Variants in NMNAT2 observed in about 807,000 individuals in gnomAD.
NMNAT2 encodes nicotinamide nucleotide adenylyltransferase 2.
NMNAT2 carries 11 observed loss-of-function variants against 41.6 expected under a neutral mutation model. The observed-to-expected ratio is 0.26, with a 90% confidence interval of 0.17 to 0.44. The LOEUF (loss-of-function observed/expected upper bound fraction) is 0.44. NMNAT2 is among the 20% of genes least tolerant of loss of function. The probability of loss-of-function intolerance (pLI) is 1.00; values close to 1 mark genes in which losing one functional copy is unlikely to be tolerated. For synonymous variants in NMNAT2, 148 were observed against 151.2 expected (o/e 0.98, Z 0.16); for missense variants, 288 against 407.7 (o/e 0.71, Z 2.53).
At chr1:183,416,973 TC>T (rs894403859) in intron 1 of NMNAT2, among the ~76,000 whole-genome samples, 1 of 152,102 alleles carries the variant, frequency 6.6e-6, no homozygotes, top group Admixed American at 6.5e-5. Flanking sequence ...GCGGGCCAGG[TC>T]AGGGCCTCCC....
rs1297783986 is a variant in NMNAT2 at position 183,397,407 on chromosome 1, A to G, written c.85+20776T>C. ...GAACAAAGCCTCCAAGCAATATAGG[A>G]CTATGTGAAAAGACCAAATCTATGT... On this transcript the variant is annotated intron_variant, in intron 1 of 10. Coordinates refer to ENST00000287713, the MANE Select transcript of NMNAT2 (RefSeq NM_015039.4). 2.0e-5 allele frequency among the ~76,000 whole-genome samples: 3 copies of G among 152,198 alleles called. No individual in the cohort carries two copies. The East Asian group carries it at 5.8e-4, about 29-fold the overall frequency.
At chr1:183,345,934 C>CAT in intron 1 of NMNAT2, among the ~76,000 whole-genome samples, 1 of 152,126 alleles carries the variant, frequency 6.6e-6, no homozygotes, top group South Asian at 2.1e-4. Flanking sequence ...GATCTGCCTG[C>CAT]CTCGGCCTCC....
chr1:183,258,522 C>T (rs545151156), intron 10 of NMNAT2, among the ~76,000 whole-genome samples: 35 of 152,286 alleles, frequency 2.3e-4, no homozygotes, highest in African/African-American at 7.2e-4. Context: ...TTGGGAGAAA[C>T]TTAGTTTATA....
At chr1:183,302,664 G>A (rs1234768006) in intron 1 of NMNAT2, among the ~76,000 whole-genome samples, 1 of 152,070 alleles carries the variant, frequency 6.6e-6, no homozygotes, top group Non-Finnish European at 1.5e-5. Flanking sequence ...CTGTTCCCCT[G>A]CCCTAATCTC....
At chr1:183,401,926 T>TGGGGGAG (rs1648822540) in intron 1 of NMNAT2, among the ~76,000 whole-genome samples, 4 of 38,208 alleles carry the variant, frequency 1.0e-4, no homozygotes, top group African/African-American at 4.3e-4. Context: ...GTCATGGGGT[T>TGGGGGAG]GGGGGAGGGG....
At chr1:183,394,747 G>T (rs919131706) in intron 1 of NMNAT2, among the ~76,000 whole-genome samples, 2 of 152,142 alleles carry the variant, frequency 1.3e-5, no homozygotes, top group African/African-American at 2.4e-5. Flanking sequence ...AACCCACCAG[G>T]GGCTCACATC....
At chr1:183,404,719 A>G (rs1004847220) in intron 1 of NMNAT2, among the ~76,000 whole-genome samples, 5 of 152,200 alleles carry the variant, frequency 3.3e-5, no homozygotes, top group African/African-American at 1.2e-4. Context: ...AATGCTTTAA[A>G]GGCAATGCCA....
At chr1:183,383,370 A>C (rs556990974) in intron 1 of NMNAT2, among the ~76,000 whole-genome samples, 57 of 152,142 alleles carry the variant, frequency 3.7e-4, no homozygotes, top group Non-Finnish European at 7.4e-4. Context: ...AAATTTTCCC[A>C]TTATCTTGGC....
chr1:183,364,655 A>ATTCTTTCTTTCTTTC (rs1553218923), intron 1 of NMNAT2, among the ~76,000 whole-genome samples: 1 of 142,976 alleles, frequency 7.0e-6, no homozygotes, highest in African/African-American at 2.5e-5. Context: ...GGGGAGGATG[A>ATTCTTTCTTTCTTTC]TTTCTTTCTT....
Position 183,251,404 on chromosome 1 carries a change from T to C in NMNAT2, c.*1237A>G, listed in dbSNP as rs41304261. On this transcript the variant is annotated 3_prime_UTR_variant, in exon 11 of 11. Coordinates refer to ENST00000287713, the MANE Select transcript of NMNAT2 (RefSeq NM_015039.4). Reference sequence around the variant, plus strand: ...CAAATTGCTTTCTCCTAGTTCATCCTGGACTTACAATATGAAAGAGACATT... The same window carrying C: ...CAAATTGCTTTCTCCTAGTTCATCCCGGACTTACAATATGAAAGAGACATT... 0.033 allele frequency: 5,048 copies of C among 152,400 alleles called. 127 individuals are homozygous for C. The highest frequency in any genetic ancestry group is 0.12 in the South Asian group (591 of 4,820). 9.4% of individuals were successfully genotyped at this position (152,400 alleles called of 1,614,324 possible).
At chr1:183,265,561 G>A (rs1295147184) in intron 8 of NMNAT2, among the ~76,000 whole-genome samples, 1 of 151,982 alleles carries the variant, frequency 6.6e-6, no homozygotes, top group African/African-American at 2.4e-5. Flanking sequence ...CACCATGCCC[G>A]GCAGAAATTC....
At position 183,280,377 on chromosome 1, in the gene NMNAT2, GTAA is replaced by G. The variant is rs371728633; in HGVS notation, c.575-1751_575-1749del. 4.3e-3 allele frequency among the ~76,000 whole-genome samples: 650 copies of G among 152,108 alleles called. 3 individuals carry two copies. Among genetic ancestry groups the G allele is most frequent in the African/African-American group, 0.015 (626 of 41,478 alleles). ...TTTGAATGCAGTCTAACATAAATTC[GTAA>G]ACTTCCTTTTTTTTTTCTTTTTTTG... On this transcript the variant is annotated intron_variant, in intron 7 of 10. Coordinates refer to ENST00000287713, the MANE Select transcript of NMNAT2 (RefSeq NM_015039.4).
chr1:183,302,401 A>C (rs16860767), intron 1 of NMNAT2, among the ~76,000 whole-genome samples: 29,364 of 152,158 alleles, frequency 0.19, 2,984 homozygotes, highest in East Asian at 0.37. Context: ...TTCCTAGAAC[A>C]GATTAGACCT....
chr1:183,297,967 A>G (rs1661747584), intron 1 of NMNAT2, among the ~76,000 whole-genome samples: 1 of 152,232 alleles, frequency 6.6e-6, no homozygotes, highest in African/African-American at 2.4e-5. Context: ...TGATCCTATC[A>G]ATTGATGCAG....
At chr1:183,301,690 C>T (rs1428965557) in intron 1 of NMNAT2, among the ~76,000 whole-genome samples, 2 of 152,238 alleles carry the variant, frequency 1.3e-5, no homozygotes, top group African/African-American at 2.4e-5. Context: ...AATCTCCCTT[C>T]CTTATAGCCT....
rs570613808 is a variant in NMNAT2, at chr1:183,336,417, T to C, written c.86-42624A>G. On this transcript the variant is annotated intron_variant, in intron 1 of 10. Transcript: ENST00000287713. ...TGAAAAACCAATATGTGTTAAAACC[T>C]TTTTATTTTGAAAATAATTGTAGCT... Among the ~76,000 whole-genome samples the C allele has an allele frequency of 2.0e-5, 3 of 152,326 alleles. No individual in the cohort carries two copies. In the South Asian group the frequency reaches 6.2e-4, roughly 32 times the overall value.
At chr1:183,319,354 G>T (rs1258310152) in intron 1 of NMNAT2, among the ~76,000 whole-genome samples, 1 of 152,234 alleles carries the variant, frequency 6.6e-6, no homozygotes, top group Non-Finnish European at 1.5e-5. Flanking sequence ...CTTATAAAAA[G>T]ATCACTTCAG....
rs1215191466 is a variant in NMNAT2, at chr1:183,288,967, G to A, written c.321+1161C>T. ...AGGGAAATCAGTTTTCTTCAATTCC[G>A]TGGGGAAGAAAACAACAGATGGAGA... On this transcript the variant is annotated intron_variant, in intron 4 of 10. Transcript: ENST00000287713. 3.3e-5 allele frequency among the ~76,000 whole-genome samples: 5 copies of A among 152,330 alleles called. No homozygotes were observed. The East Asian group carries it at 5.8e-4, about 18-fold the overall frequency.
intron 1 of NMNAT2, among the ~76,000 whole-genome samples, chr1:183,389,354 T>C (rs1648371347): frequency 6.6e-6 from 1 of 152,196 alleles, no homozygotes; most frequent in African/African-American, 2.4e-5. Flanking sequence ...AATAATATTC[T>C]CTTTCAAAAA....
Sources: allele counts gnomAD v4.1 joint callset (sites outside exome capture counted in the v4.1 genomes callset), GRCh38; gene constraint gnomAD v4.1.1; transcripts MANE v1.5; gene names NCBI Gene and HGNC (gene_info 2026-07-23, HGNC 2026-07-21).